The following DYNC2LI1 variants were observed in gnomAD, a reference collection of about 807,000 sequenced individuals.
The protein encoded by DYNC2LI1 is cytoplasmic dynein 2 light intermediate chain 1.
In DYNC2LI1, 45 loss-of-function variants were observed where a neutral mutation model predicts 51.9. That is an observed-to-expected ratio of 0.87 (90% CI 0.68 to 1.11). The LOEUF (loss-of-function observed/expected upper bound fraction) is 1.11. Ranked by LOEUF, DYNC2LI1 falls within the 50% of genes most tolerant of loss-of-function variation. The pLI is 0.00. For synonymous variants in DYNC2LI1, 130 were observed against 137.8 expected, an observed-to-expected ratio of 0.94 and a Z score of 0.40; for missense variants, 490 against 417.4, an observed-to-expected ratio of 1.17 and a Z score of -1.51.
At chr2:43,795,675 C>T (rs977745870) in intron 6 of DYNC2LI1, among the ~76,000 whole-genome samples, 2 of 151,820 alleles carry the variant, frequency 1.3e-5, no homozygotes, top group African/African-American at 4.8e-5. Context: ...TAATAAATAT[C>T]ATAGTAATTT....
intron 5 of DYNC2LI1, chr2:43,793,107 C>T (rs1446416825): frequency 5.3e-6 from 1 of 188,864 alleles, no homozygotes; most frequent in Non-Finnish European, 1.1e-5. Context: ...CACCATTTTA[C>T]ATTCCCATAA....
chr2:43,792,582 A>C, intron 5 of DYNC2LI1: 1 of 1,301,612 alleles, frequency 7.7e-7, no homozygotes, highest in East Asian at 2.6e-5. Context: ...CATCAAGTAT[A>C]TTCTCATCAC....
At chr2:43,822,845 AG>A in the DYNC2LI1 span, 1 of 1,614,114 alleles carries the variant, frequency 6.2e-7, no homozygotes, top group Non-Finnish European at 8.5e-7. Flanking sequence ...GCTGAAGGGG[AG>A]GACGTGCAGT....
At chr2:43,824,322 A>C in the DYNC2LI1 span, 12 of 1,614,024 alleles carry the variant, frequency 7.4e-6, no homozygotes, top group African/African-American at 1.5e-4. Flanking sequence ...ATATTCTTCA[A>C]AGTTTTATGA....
intron 12 of DYNC2LI1, among the ~76,000 whole-genome samples, chr2:43,808,964 T>TACACACACAC (rs56090427): frequency 1.7e-3 from 247 of 145,568 alleles, no homozygotes; most frequent in African/African-American, 6.0e-3. Flanking sequence ...GGACAAAGGA[T>TACACACACAC]ACACACACAC....
intron 5 of DYNC2LI1, chr2:43,794,123 C>G (rs150181414): frequency 5.1e-6 from 1 of 196,848 alleles, no homozygotes; most frequent in South Asian, 1.2e-4. Flanking sequence ...TTTTTGCTTC[C>G]CTTTTTTGGA....
Position 43,809,908 on chromosome 2 carries a change from T to G in DYNC2LI1, c.*141T>G, listed in dbSNP as rs17031643. ...GGACAAGCTGGATTTCTTGGACTAG[T>G]GCATCTCCCTGTATATCTTGAAGCT... is the stretch of plus-strand genomic sequence containing the variant. On this transcript the variant is annotated 3_prime_UTR_variant, in exon 13 of 13. Transcript: ENST00000260605. 9,754 of 1,418,758 alleles carry G rather than the reference T, an allele frequency of 6.9e-3. 180 individuals carry two copies. Among genetic ancestry groups the G allele is most frequent in the African/African-American group, 0.063 (4,319 of 68,646 alleles). 87.9% of individuals were successfully genotyped at this position (1,418,758 alleles called of 1,614,324 possible).
chr2:43,776,559 C>T (rs1325881801), intron 1 of DYNC2LI1, among the ~76,000 whole-genome samples: 1 of 152,124 alleles, frequency 6.6e-6, no homozygotes, highest in Non-Finnish European at 1.5e-5. Flanking sequence ...AAAGGCTCTG[C>T]TTATCAATTT....
chr2:43,805,417 G>GA (rs550640308), intron 12 of DYNC2LI1, 171 bp downstream of exon 12: 23 of 362,544 alleles, frequency 6.3e-5, no homozygotes, highest in African/African-American at 4.0e-4. Context: ...GTATACTGTA[G>GA]AAAAAATAAA....
At position 43,776,775 on chromosome 2, in the gene DYNC2LI1, C is replaced by G; in HGVS notation, c.9-7C>G. The G allele has an allele frequency of 6.7e-7, 1 of 1,490,616 alleles. No homozygotes were observed. The highest frequency in any genetic ancestry group is 9.2e-7 in the Non-Finnish European group (1 of 1,089,602). 92.3% of individuals were successfully genotyped at this position (1,490,616 alleles called of 1,614,324 possible). Reference sequence around the variant, plus strand: ...CCTCAATTTTGTTTTTTCTGCCTCTCATGTAGTGAAACTCTCTGGGAAATT... The same window carrying G: ...CCTCAATTTTGTTTTTTCTGCCTCTGATGTAGTGAAACTCTCTGGGAAATT... On this transcript the variant is annotated splice_region_variant and splice_polypyrimidine_tract_variant and intron_variant, in intron 1 of 12. Coordinates refer to ENST00000260605, the MANE Select transcript of DYNC2LI1 (RefSeq NM_016008.4).
chr2:43,802,033 A>G (rs1235701057), intron 10 of DYNC2LI1, among the ~76,000 whole-genome samples: 1 of 152,162 alleles, frequency 6.6e-6, no homozygotes. Context: ...TAAAGAAGCT[A>G]GGAGCATAGA....
chr2:43,823,526 G>A, the DYNC2LI1 span, among the ~76,000 whole-genome samples: 5,182 of 152,200 alleles, frequency 0.034, 305 homozygotes, highest in African/African-American at 0.12. Flanking sequence ...AAAATTAGGT[G>A]CTGGCTGTCC....
At chr2:43,806,025 T>A (rs1476222098) in intron 12 of DYNC2LI1, among the ~76,000 whole-genome samples, 1 of 151,774 alleles carries the variant, frequency 6.6e-6, no homozygotes, top group Non-Finnish European at 1.5e-5. Context: ...GGATTACAGG[T>A]GCCTGCCACC....
chr2:43,780,006 T>G (rs983545468), intron 2 of DYNC2LI1, among the ~76,000 whole-genome samples: 1 of 152,116 alleles, frequency 6.6e-6, no homozygotes. Flanking sequence ...CAGAGATGAT[T>G]GTAATGATAA....
At chr2:43,827,878 C>G in the DYNC2LI1 span, 2 of 1,539,344 alleles carry the variant, frequency 1.3e-6, no homozygotes, top group Non-Finnish European at 1.8e-6. Flanking sequence ...CAGTTGTACA[C>G]AAACCCCTTT....
the DYNC2LI1 span, among the ~76,000 whole-genome samples, chr2:43,825,590 GTTGTTGTT>G: frequency 6.6e-6 from 1 of 151,468 alleles, no homozygotes; most frequent in Non-Finnish European, 1.5e-5. Flanking sequence ...GGCTTAATTT[GTTGTTGTT>G]TTGTTGTTAT....
At chr2:43,795,232 G>A in intron 6 of DYNC2LI1, 1 of 979,224 alleles carries the variant, frequency 1.0e-6, no homozygotes, top group Non-Finnish European at 1.2e-6. Context: ...GTAGCAGGGT[G>A]CGATGGCTCA....
At position 43,787,249 on chromosome 2, in the gene DYNC2LI1, CAGTA is replaced by C. The variant is rs1558674270; in HGVS notation, c.231+3_231+6del. On this transcript the variant is annotated splice_donor_variant and splice_donor_region_variant and coding_sequence_variant and intron_variant, in exon 4 of 13. Coordinates refer to ENST00000260605, the MANE Select transcript of DYNC2LI1 (RefSeq NM_016008.4). LOFTEE classifies it high-confidence loss of function. ...GGAAGAAGAGCAAAAGGGCACAACA[CAGTA>C]AGTGTCTTTTAAAGTGACATTGCTA... is the stretch of plus-strand genomic sequence containing the variant. 8 of 1,610,942 alleles carry C rather than the reference CAGTA, an allele frequency of 5.0e-6. No individual in the cohort carries two copies. The highest frequency in any genetic ancestry group is 6.8e-6 in the Non-Finnish European group (8 of 1,177,910).
intron 1 of DYNC2LI1, among the ~76,000 whole-genome samples, chr2:43,775,265 G>A (rs1038316661): frequency 6.6e-6 from 1 of 152,166 alleles, no homozygotes; most frequent in South Asian, 2.1e-4. Context: ...GATTTAAAGA[G>A]GTTAGGTAGT....
Sources: allele counts gnomAD v4.1 joint callset (sites outside exome capture counted in the v4.1 genomes callset), GRCh38; gene constraint gnomAD v4.1.1; transcripts MANE v1.5; gene names NCBI Gene and HGNC (gene_info 2026-07-23, HGNC 2026-07-21).